Variants in ROGDI observed in about 807,000 individuals in gnomAD.
The protein encoded by ROGDI is rogdi atypical leucine zipper.
ROGDI carries 46 observed loss-of-function variants against 43.1 expected under a neutral mutation model. The observed-to-expected ratio is 1.07, with a 90% confidence interval of 0.84 to 1.37. ROGDI has a LOEUF of 1.37. ROGDI is among the 40% of genes most tolerant of loss of function. The pLI is 0.00. For missense variants in ROGDI, 518 were observed against 383.9 expected (o/e 1.35, Z -2.92); for synonymous variants, 243 against 162.0 (o/e 1.50, Z -3.80).
intron 3 of ROGDI, 32 bp from the exon 4 acceptor site, chr16:4,801,353 G>C (rs764742962): frequency 1.3e-6 from 2 of 1,593,026 alleles, no homozygotes; most frequent in East Asian, 4.5e-5. Flanking sequence ...CGGTGCCTGT[G>C]GTCACCCCCC....
rs1429806619 is a variant in ROGDI at position 4,800,486 on chromosome 16, G to C, written c.336+12C>G. On this transcript the variant is annotated intron_variant, in intron 5 of 10. Coordinates refer to ENST00000322048, the MANE Select transcript of ROGDI (RefSeq NM_024589.3). ...CTTGTGGCTGAGCACTAGCCAGGAG[G>C]GGCGGGGTCACCTGCTGCAGCTTCC... 1 of 1,551,928 alleles carries C rather than the reference G, an allele frequency of 6.4e-7. No individual in the cohort carries two copies. The highest frequency in any genetic ancestry group is 8.7e-7 in the Non-Finnish European group (1 of 1,146,638).
At position 4,797,413 on chromosome 16, in the gene ROGDI, T is replaced by G; in HGVS notation, c.*47A>C. ...GCTGGTGCTCTGTGGTGGGTATGAG[T>G]AGGGGACGGGGCCGCCTTCCTGGAG... On this transcript the variant is annotated 3_prime_UTR_variant, in exon 11 of 11. Transcript: ENST00000322048. 6.3e-7 allele frequency: 1 copy of G among 1,578,556 alleles called. No individual in the cohort carries two copies. The highest frequency in any genetic ancestry group is 8.6e-7 in the Non-Finnish European group (1 of 1,156,584).
Position 4,797,745 on chromosome 16 carries a change from G to A in ROGDI, c.791C>T (p.Ser264Phe), listed in dbSNP as rs1366080001. 2 of 1,494,702 alleles carry A rather than the reference G, an allele frequency of 1.3e-6. No individual in the cohort carries two copies. The highest frequency in any genetic ancestry group is 1.2e-5 in the South Asian group (1 of 86,578). 92.6% of individuals were successfully genotyped at this position (1,494,702 alleles called of 1,614,324 possible). A position where few individuals can be genotyped will look rare whatever the true frequency, so the allele number is the denominator to read the frequency against. ...CTTGAGCTGCTGGCAGAGCTGCAGG[G>A]AGACGGTGAAGTAGACCAGGGCGTC... ...LNDALVYFTV[S>F]LQLCQQLKDK... is the part of the protein sequence containing the mutation. Residue 264 changes from serine to phenylalanine, a missense_variant, in exon 10 of 11, where the codon TCC becomes TTC. Transcript: ENST00000322048.
At chr16:4,800,394 T>C in intron 5 of ROGDI, 104 bp downstream of exon 5, 3 of 899,732 alleles carry the variant, frequency 3.3e-6, no homozygotes, top group Non-Finnish European at 5.2e-6. Flanking sequence ...AGGCTTGCTG[T>C]GGCCACAGAT....
intron 4 of ROGDI, chr16:4,800,836 G>A: frequency 3.6e-6 from 2 of 560,070 alleles, no homozygotes; most frequent in Non-Finnish European, 6.3e-6. Context: ...AAGAGGAAAG[G>A]CAGCCTCTGT....
intron 6 of ROGDI, among the ~76,000 whole-genome samples, 191 bp downstream of exon 6, chr16:4,799,495 T>G (rs531987251): frequency 6.6e-6 from 1 of 152,042 alleles, no homozygotes; most frequent in Non-Finnish European, 1.5e-5. Flanking sequence ...CCCCGTGACC[T>G]GAATTATTAT....
intron 4 of ROGDI, 68 bp downstream of exon 4, chr16:4,801,199 G>A (rs1393883926): frequency 5.1e-6 from 7 of 1,359,320 alleles, no homozygotes; most frequent in Non-Finnish European, 7.1e-6. Context: ...CTTGTACAGA[G>A]AGAAAGTGGG....
In ROGDI at chr16:4,801,312, C is replaced by T; in HGVS notation, c.210G>A (p.Gln70=). The part of the protein sequence containing the change: ...NFILGSCGTD[Q]VKGVLTLQGD... ...CCTGCAGAGTCAGCACACCCTTCACCTGGTCTGTGCTGTAACATGTGGCGT... is the reference window on the plus strand; with the variant it reads ...CCTGCAGAGTCAGCACACCCTTCACTTGGTCTGTGCTGTAACATGTGGCGT... Residue 70 remains glutamine, a synonymous_variant, in exon 4 of 11, where the codon CAG becomes CAA. Coordinates refer to ENST00000322048, the MANE Select transcript of ROGDI (RefSeq NM_024589.3). 3 of 1,607,966 alleles carry T rather than the reference C, an allele frequency of 1.9e-6. No homozygotes were observed. The South Asian group carries it at 3.3e-5, about 18-fold the overall frequency.
rs1240510403 is a variant in ROGDI, at chr16:4,801,334, G to A, written c.201-13C>T. On this transcript the variant is annotated splice_polypyrimidine_tract_variant and intron_variant, in intron 3 of 10. Transcript: ENST00000322048. The stretch of plus-strand genomic sequence containing the variant: ...CACCTGGTCTGTGCTGTAACATGTG[G>A]CGTCAGAGCGGTGCCTGTGGTCACC... The A allele has an allele frequency of 3.7e-6, 6 of 1,601,464 alleles. No individual in the cohort carries two copies. Among genetic ancestry groups the A allele is most frequent in the Middle Eastern group, 1.7e-4 (1 of 6,024 alleles).
In ROGDI at chr16:4,797,995, G is replaced by A. The variant is rs2082674058; in HGVS notation, c.646-8C>T. 14 of 1,612,302 alleles carry A rather than the reference G, an allele frequency of 8.7e-6. No homozygotes were observed. The highest frequency in any genetic ancestry group is 2.2e-5 in the East Asian group (1 of 44,850). The stretch of plus-strand genomic sequence containing the variant: ...CCCAGCTGGGCGGAAGTTCTAGGGA[G>A]AACAGCACCAGACCCGTCAGGCCTT... On this transcript the variant is annotated splice_region_variant and splice_polypyrimidine_tract_variant and intron_variant, in intron 8 of 10. Transcript: ENST00000322048.
In ROGDI at chr16:4,798,607, T is replaced by C; in HGVS notation, c.493A>G (p.Thr165Ala). 1 of 1,572,798 alleles carries C rather than the reference T, an allele frequency of 6.4e-7. No homozygotes were observed. The highest frequency in any genetic ancestry group is 8.6e-7 in the Non-Finnish European group (1 of 1,164,716). Residue 165 changes from threonine to alanine, a missense_variant, in exon 7 of 11, where the codon ACC (threonine) becomes GCC (alanine). Transcript: ENST00000322048. ...RARNRLTTPA[T>A]LTLPEIAASG... ...GCGGCGATCTCGGGGAGGGTGAGGG[T>C]GGCGGGGGTGGTGAGCCGGTTTCGG...
At position 4,799,704 on chromosome 16, in the gene ROGDI, C is replaced by T. The variant is rs11553876; in HGVS notation, c.414G>A (p.Thr138=). The T allele has an allele frequency of 0.14, 221,170 of 1,612,418 alleles. 16,523 individuals carry two copies. The highest frequency in any genetic ancestry group is 0.2 in the South Asian group (18,505 of 90,912). ...TSRDQSYQFK[T]GAEVLKLMDA... is the part of the protein sequence containing the mutation. ...AGCTCACCTTGAGGACCTCAGCGCC[C>T]GTCTTGAACTGGTAGCTCTGGTCCC... Residue 138 remains threonine (T), a synonymous_variant, in exon 6 of 11, where the codon ACG becomes ACA. Transcript: ENST00000322048.
intron 2 of ROGDI, chr16:4,802,181 C>A: frequency 1.5e-6 from 1 of 650,262 alleles, no homozygotes; most frequent in Non-Finnish European, 2.8e-6. Context: ...TGCTAGCACC[C>A]TCGTCGGGAC....
At chr16:4,799,022 G>A (rs933824219) in intron 6 of ROGDI, among the ~76,000 whole-genome samples, 1 of 152,094 alleles carries the variant, frequency 6.6e-6, no homozygotes, top group Non-Finnish European at 1.5e-5. Context: ...GGGCTTCCTG[G>A]AAGAGGCGAT....
chr16:4,799,878 C>G, intron 5 of ROGDI, 97 bp from the exon 6 acceptor site: 1 of 834,798 alleles, frequency 1.2e-6, no homozygotes, highest in Non-Finnish European at 2.0e-6. Context: ...ATTCCACTCT[C>G]CACACTGTCA....
In ROGDI at chr16:4,802,604, C is replaced by T. The variant is rs768469232; in HGVS notation, c.-33G>A. Reference sequence around the variant, plus strand: ...GGCCGCCGCCGAGCGCCCTCCCCACCGGCCGCTGCTCCTGTCCACCAATCT... The same window carrying T: ...GGCCGCCGCCGAGCGCCCTCCCCACTGGCCGCTGCTCCTGTCCACCAATCT... On this transcript the variant is annotated 5_prime_UTR_variant, in exon 1 of 11. Coordinates refer to ENST00000322048, the MANE Select transcript of ROGDI (RefSeq NM_024589.3). 2 of 1,300,252 alleles carry T rather than the reference C, an allele frequency of 1.5e-6. No homozygotes were observed. Among genetic ancestry groups the T allele is most frequent in the South Asian group, 2.3e-5 (1 of 44,164 alleles). The allele number at this position is 1,300,252 out of a possible 1,614,324, so 80.5% of individuals were successfully genotyped here.
At position 4,798,552 on chromosome 16, in the gene ROGDI, C is replaced by G; in HGVS notation, c.531+17G>C. The stretch of plus-strand genomic sequence containing the variant: ...TGGGACCCCTCTCCTGCAGCAGGGG[C>G]TGGCAGGGGCACTGACCGTGAGGCC... On this transcript the variant is annotated intron_variant, in intron 7 of 10. Coordinates refer to ENST00000322048, the MANE Select transcript of ROGDI (RefSeq NM_024589.3). The G allele has an allele frequency of 6.5e-7, 1 of 1,527,380 alleles. No individual in the cohort carries two copies. Among genetic ancestry groups the G allele is most frequent in the Non-Finnish European group, 8.8e-7 (1 of 1,139,428 alleles). The allele number at this position is 1,527,380 out of a possible 1,614,324, so 94.6% of individuals were successfully genotyped here. A position where few individuals can be genotyped will look rare whatever the true frequency, so the allele number is the denominator to read the frequency against.
chr16:4,802,550 TC>T lies in ROGDI; in HGVS notation c.21del (p.Thr8ArgfsTer24), dbSNP rs1274146203. 7.8e-7 allele frequency: 1 copy of T among 1,288,586 alleles called. No individual in the cohort carries two copies. Among genetic ancestry groups the T allele is most frequent in the Non-Finnish European group, 9.9e-7 (1 of 1,011,524 alleles). The allele number at this position is 1,288,586 out of a possible 1,614,324, so 79.8% of individuals were successfully genotyped here. On this transcript the variant is annotated frameshift_variant, in exon 1 of 11. Transcript: ENST00000322048. LOFTEE classifies it high-confidence loss of function. ...ACCAGCACCGCCCGCTCCGCCGCCGTCGCTGCCATCACGGTGGCCATGGCCG... is the reference window on the plus strand; with the variant it reads ...ACCAGCACCGCCCGCTCCGCCGCCGTGCTGCCATCACGGTGGCCATGGCCG... MATVMA[A>X]TAAERAVLEE...
At chr16:4,800,435 C>T (rs961006814) in intron 5 of ROGDI, 63 bp downstream of exon 5, 3 of 1,366,646 alleles carry the variant, frequency 2.2e-6, no homozygotes, top group Admixed American at 4.0e-5. Flanking sequence ...CAGGGAGGCC[C>T]CGCGGCAGGC....
Sources: gnomAD v4.1 joint callset for allele counts (sites outside exome capture counted in the v4.1 genomes callset) on GRCh38, gnomAD v4.1.1 for gene constraint, MANE v1.5 for transcripts, NCBI Gene and HGNC (gene_info 2026-07-23, HGNC 2026-07-21) for gene names.